Variants in PRKCD observed in about 807,000 individuals in gnomAD.
PRKCD encodes protein kinase C delta.
PRKCD carries 20 observed loss-of-function variants against 82.2 expected under a neutral mutation model. That is an observed-to-expected ratio of 0.24 (90% confidence interval 0.17 to 0.35). The LOEUF (loss-of-function observed/expected upper bound fraction) is 0.35, where lower values mean the gene tolerates loss of function less well. Ranked by LOEUF, PRKCD falls within the 10% of genes least tolerant of loss-of-function variation. PRKCD has a pLI of 1.00. For missense variants in PRKCD, 607 were observed against 899.0 expected (o/e 0.68, Z 4.15); for synonymous variants, 317 against 337.0 (o/e 0.94, Z 0.65).
At chr3:53,182,413 C>T (rs1253101305) in intron 7 of PRKCD, among the ~76,000 whole-genome samples, 3 of 152,064 alleles carry the variant, frequency 2.0e-5, no homozygotes, top group African/African-American at 4.8e-5. Context: ...GGATTACAGG[C>T]GTGCACCACC....
chr3:53,178,039 G>A (rs909514462), intron 2 of PRKCD, among the ~76,000 whole-genome samples: 12 of 148,028 alleles, frequency 8.1e-5, no homozygotes, highest in African/African-American at 2.7e-4. Flanking sequence ...TCCGCCTCCC[G>A]GGTTCAAGTG....
intron 9 of PRKCD, among the ~76,000 whole-genome samples, chr3:53,184,007 C>T (rs962739477): frequency 2.0e-5 from 3 of 152,122 alleles, no homozygotes; most frequent in Admixed American, 1.3e-4. Flanking sequence ...CGAATTAGGT[C>T]CCTGTCTTCT....
chr3:53,179,896 C>T (rs1456035066), intron 4 of PRKCD, 120 bp downstream of exon 4: 12 of 1,277,088 alleles, frequency 9.4e-6, no homozygotes, highest in Admixed American at 6.2e-5. Flanking sequence ...TGAAGAGCAC[C>T]GGGCCCTGTG....
chr3:53,186,182 C>G lies in PRKCD; in HGVS notation c.1102C>G (p.Leu368Val), dbSNP rs538452225. ...GSFGKVLLGE[L>V]KGRGEYFAIK... is the part of the protein sequence containing the mutation. ...TCCCCATCAGGTGCTGCTTGGAGAGCTGAAGGGCAGAGGAGAGTACTTTGC... is the reference window on the plus strand; with the variant it reads ...TCCCCATCAGGTGCTGCTTGGAGAGGTGAAGGGCAGAGGAGAGTACTTTGC... The change falls in exon 13 of 19, where the codon CTG becomes GTG. Residue 368 changes from leucine (L) to valine (V), a missense_variant. Physicochemically the swap from Leu to Val is conservative, Grantham distance 32. Coordinates refer to ENST00000330452, the MANE Select transcript of PRKCD (RefSeq NM_006254.4). 1.4e-5 allele frequency: 22 copies of G among 1,613,912 alleles called. No homozygotes were observed. The African/African-American group carries it at 2.9e-4, about 22-fold the overall frequency.
intron 7 of PRKCD, among the ~76,000 whole-genome samples, chr3:53,182,382 C>G (rs1372622463): frequency 6.6e-6 from 1 of 152,080 alleles, no homozygotes; most frequent in Non-Finnish European, 1.5e-5. Context: ...GATTCTCTTG[C>G]CTTAGCCTCC....
chr3:53,181,095 TGGG>T (rs1553667338), intron 4 of PRKCD, 109 bp from the exon 5 acceptor site: 1 of 1,172,320 alleles, frequency 8.5e-7, no homozygotes, highest in Non-Finnish European at 1.2e-6. Flanking sequence ...GGCTAGGCCT[TGGG>T]GGGCTGCCTT....
intron 1 of PRKCD, chr3:53,161,677 C>T (rs1702664750): frequency 2.0e-5 from 3 of 152,192 alleles, no homozygotes; most frequent in African/African-American, 7.3e-5. Flanking sequence ...GCCCGTGTGT[C>T]TCCCGCTCCT....
chr3:53,171,225 C>T (rs1399996856), intron 2 of PRKCD, among the ~76,000 whole-genome samples: 1 of 152,218 alleles, frequency 6.6e-6, no homozygotes, highest in Non-Finnish European at 1.5e-5. Flanking sequence ...GTACCTGGGG[C>T]ACCGCCCTCT....
rs782335632 is a variant in PRKCD at position 53,184,827 on chromosome 3, C to T, written c.788-47C>T. Reference sequence around the variant, plus strand: ...CGCCTCTCCTACACTGCCCCCTGCCCTTGGCTGAGCTCTGAGACTGACAGC... The same window carrying T: ...CGCCTCTCCTACACTGCCCCCTGCCTTTGGCTGAGCTCTGAGACTGACAGC... On this transcript the variant is annotated intron_variant, in intron 9 of 18. Coordinates refer to ENST00000330452, the MANE Select transcript of PRKCD (RefSeq NM_006254.4). The T allele has an allele frequency of 9.6e-5, 150 of 1,570,208 alleles. 2 individuals are homozygous for T. The South Asian group carries it at 1.5e-3, about 16-fold the overall frequency.
chr3:53,183,342 G>T (rs1163127131), intron 8 of PRKCD, 110 bp from the exon 9 acceptor site: 54 of 1,572,536 alleles, frequency 3.4e-5, no homozygotes, highest in Non-Finnish European at 4.0e-5. Flanking sequence ...GCCTCTCCCA[G>T]TGGAGCTCTC....
At chr3:53,190,595 A>G (rs1703891677) in intron 18 of PRKCD, among the ~76,000 whole-genome samples, 1 of 152,126 alleles carries the variant, frequency 6.6e-6, no homozygotes, top group South Asian at 2.1e-4. Flanking sequence ...GGGCTGGTTC[A>G]CTCACAGGCC....
rs782040624 is a variant in PRKCD at position 53,178,415 on chromosome 3, G to T, written c.-8G>T. The stretch of plus-strand genomic sequence containing the variant: ...CTCTGTGTGCACAGCCCCACTGCAG[G>T]CCCCACCATGGCGCCGTTCCTGCGC... On this transcript the variant is annotated 5_prime_UTR_variant, in exon 3 of 19. Transcript: ENST00000330452. 3.1e-6 allele frequency: 5 copies of T among 1,609,280 alleles called. No individual in the cohort carries two copies. Among genetic ancestry groups the T allele is most frequent in the Middle Eastern group, 2.1e-4 (1 of 4,804 alleles).
At chr3:53,181,301 C>G in intron 5 of PRKCD, 34 bp downstream of exon 5, 1 of 1,611,810 alleles carries the variant, frequency 6.2e-7, no homozygotes, top group Non-Finnish European at 8.5e-7. Context: ...GGCTCCCTTG[C>G]CGGGTTCAGA....
intron 13 of PRKCD, 64 bp downstream of exon 13, chr3:53,186,404 C>T (rs1703691151): frequency 6.3e-7 from 1 of 1,592,244 alleles, no homozygotes; most frequent in South Asian, 1.1e-5. Context: ...CCTCAGCCCC[C>T]CTCAGTCAGG....
Position 53,179,628 on chromosome 3 carries a change from A to G in PRKCD, c.167A>G (p.Lys56Arg). 1 of 1,614,176 alleles carries G rather than the reference A, an allele frequency of 6.2e-7. No homozygotes were observed. The highest frequency in any genetic ancestry group is 8.5e-7 in the Non-Finnish European group (1 of 1,180,024). ...QKKPTMYPEW[K>R]STFDAHIYEG... The stretch of plus-strand genomic sequence containing the variant: ...AAGCCGACCATGTATCCTGAGTGGA[A>G]GTCGACGTTCGATGCCCACATCTAT... The change falls in exon 4 of 19, where the codon AAG becomes AGG. Residue 56 changes from lysine (K) to arginine (R), a missense_variant. Lys to Arg is a conservative substitution (Grantham distance 26, BLOSUM62 2). Around this residue, in one of 5 missense-constraint regions of PRKCD, gnomAD observed 161 missense variants for 227.0 expected, o/e 0.71. Transcript: ENST00000330452.
At chr3:53,180,685 C>T (rs1238815147) in intron 4 of PRKCD, among the ~76,000 whole-genome samples, 3 of 152,174 alleles carry the variant, frequency 2.0e-5, no homozygotes, top group African/African-American at 7.2e-5. Flanking sequence ...TCCGCTCCCC[C>T]AAGGGAGGAT....
At chr3:53,189,468 A>C (rs1384498843) in intron 17 of PRKCD, among the ~76,000 whole-genome samples, 1 of 152,226 alleles carries the variant, frequency 6.6e-6, no homozygotes, top group Non-Finnish European at 1.5e-5. Flanking sequence ...GCCCAGGGTC[A>C]GGAGACAGAC....
chr3:53,183,676 C>T, intron 9 of PRKCD, 95 bp downstream of exon 9: 1 of 1,506,894 alleles, frequency 6.6e-7, no homozygotes, highest in East Asian at 2.3e-5. Context: ...GCCTCCTCAC[C>T]TGGAGACGGG....
intron 2 of PRKCD, among the ~76,000 whole-genome samples, chr3:53,175,639 C>A (rs1027488954): frequency 5.9e-5 from 9 of 152,208 alleles, no homozygotes; most frequent in Non-Finnish European, 1.2e-4. Flanking sequence ...CTGCAACACA[C>A]TTGCTCCTCC....
Sources: gnomAD v4.1 joint callset for allele counts (sites outside exome capture counted in the v4.1 genomes callset) on GRCh38, gnomAD v4.1.1 for gene constraint, gnomAD v4.1.1 regional missense constraint, MANE v1.5 for transcripts, NCBI Gene and HGNC (gene_info 2026-07-23, HGNC 2026-07-21) for gene names.